The following CTNND2 variants were observed in gnomAD, a reference collection of about 807,000 sequenced individuals.
CTNND2 encodes catenin delta-2.
Under a neutral mutation model 144.4 loss-of-function variants are expected in CTNND2, and 22 were observed. The ratio of observed to expected loss-of-function variants is 0.15; its 90% CI spans 0.11 to 0.22. CTNND2 has a LOEUF of 0.22. CTNND2 is among the 10% of genes least tolerant of loss of function. The pLI, the probability that CTNND2 is intolerant of heterozygous loss-of-function variation, is 1.00. For synonymous variants in CTNND2, 751 were observed against 695.6 expected, an observed-to-expected ratio of 1.08 and a Z score of -1.25; for missense variants, 1,353 against 1,618.8, an observed-to-expected ratio of 0.84 and a Z score of 2.82.
At chr5:11,866,081 T>C (rs756002924) in intron 1 of CTNND2, among the ~76,000 whole-genome samples, 7 of 151,884 alleles carry the variant, frequency 4.6e-5, no homozygotes, top group Non-Finnish European at 7.4e-5. Flanking sequence ...AGTGGGAGGA[T>C]CTCTTGAAGC....
intron 3 of CTNND2, among the ~76,000 whole-genome samples, chr5:11,519,130 A>G (rs747934868): frequency 1.2e-4 from 19 of 152,298 alleles, no homozygotes; most frequent in Non-Finnish European, 2.4e-4. Context: ...CAGTAAGGTT[A>G]AGTGACTAGT....
chr5:11,605,638 T>G (rs1285137916), intron 2 of CTNND2, among the ~76,000 whole-genome samples: 3 of 152,126 alleles, frequency 2.0e-5, no homozygotes, highest in African/African-American at 7.2e-5. Context: ...ATAGGAGTCA[T>G]AAAGAAATAG....
chr5:11,783,840 G>A (rs745357366), intron 1 of CTNND2, among the ~76,000 whole-genome samples: 20 of 152,168 alleles, frequency 1.3e-4, no homozygotes, highest in Non-Finnish European at 2.6e-4. Flanking sequence ...ATCAGGTGAG[G>A]AGGCAAGGCC....
chr5:10,972,459 A>C lies in CTNND2; in HGVS notation c.*994T>G, dbSNP rs1047919495. ...TGGACATACATACACCCACACACAC[A>C]GACACACAAGCAAGAATGTGTATTT... On this transcript the variant is annotated 3_prime_UTR_variant, in exon 22 of 22. Coordinates refer to ENST00000304623, the MANE Select transcript of CTNND2 (RefSeq NM_001332.4). The C allele has an allele frequency of 3.3e-5, 5 of 152,366 alleles. No homozygotes were observed. The highest frequency in any genetic ancestry group is 1.2e-4 in the African/African-American group (5 of 41,480). The allele number at this position is 152,366 out of a possible 1,614,324, so 9.4% of individuals were successfully genotyped here.
chr5:11,090,476 A>G (rs1423710719), intron 15 of CTNND2, among the ~76,000 whole-genome samples: 1 of 152,182 alleles, frequency 6.6e-6, no homozygotes, highest in African/African-American at 2.4e-5. Flanking sequence ...GTGAGTGAGC[A>G]TTACCGCCTG....
At chr5:11,101,185 AT>A (rs1382910940) in intron 14 of CTNND2, among the ~76,000 whole-genome samples, 1 of 152,236 alleles carries the variant, frequency 6.6e-6, no homozygotes, top group East Asian at 1.9e-4. Context: ...CCAGACCTTT[AT>A]CTGGGTACTT....
chr5:11,342,323 T>C (rs1754359138), intron 9 of CTNND2, among the ~76,000 whole-genome samples: 1 of 152,238 alleles, frequency 6.6e-6, no homozygotes, highest in African/African-American at 2.4e-5. Context: ...CATATTGTCA[T>C]ACTCTTAGTC....
chr5:11,753,407 C>T (rs368903368), intron 1 of CTNND2, among the ~76,000 whole-genome samples: 1 of 151,662 alleles, frequency 6.6e-6, no homozygotes, highest in Non-Finnish European at 1.5e-5. Flanking sequence ...TTATTAAAAG[C>T]CTTTCTGTAT....
intron 21 of CTNND2, among the ~76,000 whole-genome samples, chr5:10,978,279 G>T (rs1263725725): frequency 3.3e-5 from 5 of 152,168 alleles, no homozygotes; most frequent in African/African-American, 4.8e-5. Flanking sequence ...CAGGGATACT[G>T]TTTATGAGTC....
chr5:11,138,484 G>A lies in CTNND2; in HGVS notation c.2160-20917C>T, dbSNP rs1007393864. Among the ~76,000 whole-genome samples, 7 of 152,356 alleles carry A rather than the reference G, an allele frequency of 4.6e-5. No individual in the cohort carries two copies. In the South Asian group the frequency reaches 1.0e-3, roughly 23 times the overall value. On this transcript the variant is annotated intron_variant, in intron 12 of 21. Transcript: ENST00000304623. The stretch of plus-strand genomic sequence containing the variant: ...CGAGGACACGTGTTAAACTGGGTCA[G>A]TGCGTGTCCTGACACAGCAGGAAGG...
At chr5:11,283,810 A>G (rs1747436846) in intron 9 of CTNND2, among the ~76,000 whole-genome samples, 1 of 152,112 alleles carries the variant, frequency 6.6e-6, no homozygotes, top group South Asian at 2.1e-4. Flanking sequence ...TAAGTAAATC[A>G]CACGTTAAAT....
intron 1 of CTNND2, among the ~76,000 whole-genome samples, chr5:11,838,216 T>G (rs1455733963): frequency 6.6e-6 from 1 of 152,216 alleles, no homozygotes; most frequent in Non-Finnish European, 1.5e-5. Context: ...TTCTCCACAT[T>G]CAGGCCTTTT....
intron 9 of CTNND2, among the ~76,000 whole-genome samples, chr5:11,240,274 AAC>A (rs766686380): frequency 6.3e-4 from 75 of 119,340 alleles, no homozygotes; most frequent in Admixed American, 4.2e-3. Flanking sequence ...ACACACACCC[AAC>A]ACACACACAC....
intron 3 of CTNND2, among the ~76,000 whole-genome samples, chr5:11,503,278 G>C (rs1002723023): frequency 6.6e-6 from 1 of 152,146 alleles, no homozygotes; most frequent in East Asian, 1.9e-4. Flanking sequence ...ATATTGTTAC[G>C]CTTAGTGAGG....
chr5:11,680,604 A>G (rs1044246925), intron 2 of CTNND2, among the ~76,000 whole-genome samples: 2 of 152,196 alleles, frequency 1.3e-5, no homozygotes, highest in African/African-American at 4.8e-5. Context: ...TAAAATGTGC[A>G]TTACGTGCAC....
At chr5:11,375,453 G>A (rs533503146) in intron 7 of CTNND2, among the ~76,000 whole-genome samples, 1 of 152,078 alleles carries the variant, frequency 6.6e-6, no homozygotes, top group Non-Finnish European at 1.5e-5. Flanking sequence ...GGAGAAGAGA[G>A]GAATTCTGTT....
intron 12 of CTNND2, among the ~76,000 whole-genome samples, chr5:11,133,003 G>T (rs1013047269): frequency 3.3e-5 from 5 of 152,130 alleles, no homozygotes; most frequent in African/African-American, 1.2e-4. Flanking sequence ...TTACTGTATA[G>T]CTCTAGCTAG....
intron 13 of CTNND2, among the ~76,000 whole-genome samples, chr5:11,112,520 T>C (rs1753103013): frequency 6.6e-6 from 1 of 152,238 alleles, no homozygotes; most frequent in South Asian, 2.1e-4. Flanking sequence ...CACTTCAGAC[T>C]GCTGGTCTCT....
chr5:11,831,666 CAAAA>C (rs61030048), intron 1 of CTNND2, among the ~76,000 whole-genome samples: 1 of 99,122 alleles, frequency 1.0e-5, no homozygotes, highest in Non-Finnish European at 2.2e-5. Flanking sequence ...GACTCTGTAT[CAAAA>C]AAAAAAAAAA....
Sources: gnomAD v4.1 joint callset for allele counts (sites outside exome capture counted in the v4.1 genomes callset) on GRCh38, gnomAD v4.1.1 for gene constraint, MANE v1.5 for transcripts, NCBI Gene and HGNC (gene_info 2026-07-23, HGNC 2026-07-21) for gene names.